THBS4: variants seen among roughly 807,000 people sequenced by gnomAD.
THBS4 encodes the protein thrombospondin-4.
Under a neutral mutation model 115.7 loss-of-function variants are expected in THBS4, and 90 were observed. The ratio of observed to expected loss-of-function variants is 0.78; its 90% CI spans 0.66 to 0.93. The LOEUF is 0.93. Among genes scored for constraint, THBS4 ranks in the 40% least tolerant of loss-of-function variants. THBS4 has a pLI of 0.00. For missense variants in THBS4, 1,087 were observed against 1,232.7 expected, an observed-to-expected ratio of 0.88 and a Z score of 1.77; for synonymous variants, 460 against 479.3, an observed-to-expected ratio of 0.96 and a Z score of 0.53.
intron 2 of THBS4, among the ~76,000 whole-genome samples, chr5:80,041,495 C>A (rs796280018): frequency 1.3e-5 from 2 of 152,156 alleles, no homozygotes; most frequent in Admixed American, 6.5e-5. Flanking sequence ...TAGCTCCTAA[C>A]TCCTTAAGCA....
intron 1 of THBS4, among the ~76,000 whole-genome samples, chr5:80,037,639 C>T (rs1017301822): frequency 3.9e-5 from 6 of 152,096 alleles, no homozygotes; most frequent in Admixed American, 6.6e-5. Context: ...ATTGAAATAC[C>T]GCAAGTTTAG....
intron 2 of THBS4, among the ~76,000 whole-genome samples, chr5:80,008,664 C>A (rs1022685047): frequency 6.6e-6 from 1 of 152,144 alleles, no homozygotes; most frequent in Non-Finnish European, 1.5e-5. Context: ...AACATTGGCA[C>A]TATTGATTTT....
In THBS4 at chr5:80,078,979, GGGCCTCAGTT is replaced by G. The variant is rs775586390; in HGVS notation, c.2314+12_2314+21del. On this transcript the variant is annotated intron_variant, in intron 18 of 21. Transcript: ENST00000350881. ...CCTGGCCTGGCAGTGGGTATGTCCA[GGGCCTCAGTT>G]GCCACTCACATAGAATTCTTCCAGC... is the stretch of plus-strand genomic sequence containing the variant. 6.2e-7 allele frequency: 1 copy of G among 1,614,118 alleles called. No homozygotes were observed. The highest frequency in any genetic ancestry group is 1.1e-5 in the South Asian group (1 of 91,062).
Position 80,056,021 on chromosome 5 carries a change from A to G in THBS4, c.529A>G (p.Arg177Gly), listed in dbSNP as rs1383024755. The change falls in exon 3 of 22, where the codon AGG (arginine) becomes GGG (glycine). Residue 177 changes from arginine to glycine, a missense_variant. Transcript: ENST00000350881. ...GACCATTGAATTGAGGACTTTCCAG[A>G]GGAAGCCACAGGTAGGAACCCACAA... ...PETIELRTFQRKPQDFLEELK... is the reference protein window; with the variant it reads ...PETIELRTFQGKPQDFLEELK... 6.2e-7 allele frequency: 1 copy of G among 1,604,490 alleles called. No individual in the cohort carries two copies. Among genetic ancestry groups the G allele is most frequent in the Non-Finnish European group, 8.5e-7 (1 of 1,174,088 alleles).
At chr5:80,056,071 A>G (rs1274348623) in intron 3 of THBS4, 39 bp downstream of exon 3, 2 of 1,560,304 alleles carry the variant, frequency 1.3e-6, no homozygotes, top group Non-Finnish European at 1.7e-6. Context: ...TGGAAAAATG[A>G]GCTGCCAGTG....
rs866095065 is a variant in THBS4 at position 80,071,086 on chromosome 5, C to T, written c.1626C>T (p.Ala542=). 6.2e-6 allele frequency: 10 copies of T among 1,612,932 alleles called. No homozygotes were observed. The Middle Eastern group carries it at 1.5e-3, about 240-fold the overall frequency. The change falls in exon 13 of 22, where the codon GCC becomes GCT. Residue 542 remains alanine (A), a synonymous_variant. Coordinates refer to ENST00000350881, the MANE Select transcript of THBS4 (RefSeq NM_003248.6). ...GCGATAAAGATATCTTTGGGGATGCCTGTGATAACTGCCTGAGTGTCTTAA... is the reference window on the plus strand; with the variant it reads ...GCGATAAAGATATCTTTGGGGATGCTTGTGATAACTGCCTGAGTGTCTTAA... ...RNSDKDIFGD[A]CDNCLSVLNN...
intron 20 of THBS4, 131 bp from the exon 21 acceptor site, chr5:80,082,275 G>T: frequency 1.5e-6 from 2 of 1,303,042 alleles, no homozygotes; most frequent in Non-Finnish European, 1.1e-6. Flanking sequence ...CCAGGTCAGC[G>T]AAAAATGGAG....
intron 2 of THBS4, among the ~76,000 whole-genome samples, chr5:80,001,382 A>G (rs1050346222): frequency 1.3e-5 from 2 of 152,226 alleles, no homozygotes; most frequent in Admixed American, 6.5e-5. Flanking sequence ...AACCCTTTCA[A>G]TCCAACTAAT....
rs1019380898 is a variant in THBS4, at chr5:80,076,759, A to T, written c.1893-96A>T. 5 of 1,255,642 alleles carry T rather than the reference A, an allele frequency of 4.0e-6. No homozygotes were observed. In the Admixed American group the frequency reaches 8.2e-5, roughly 21 times the overall value. 77.8% of individuals were successfully genotyped at this position (1,255,642 alleles called of 1,614,324 possible). On this transcript the variant is annotated intron_variant, in intron 15 of 21. Transcript: ENST00000350881. Reference sequence around the variant, plus strand: ...TGATTTTAAGAGCCAACCCTGGTTTAAAAAAAACCTCAAGCACAGACTCTC... The same window carrying T: ...TGATTTTAAGAGCCAACCCTGGTTTTAAAAAAACCTCAAGCACAGACTCTC...
chr5:80,057,455 G>A (rs1056487750), intron 3 of THBS4, among the ~76,000 whole-genome samples: 3 of 152,156 alleles, frequency 2.0e-5, no homozygotes, highest in Non-Finnish European at 2.9e-5. Flanking sequence ...CTGACTCTGC[G>A]GAGATTATAG....
rs67048630 is a variant in THBS4 at position 80,080,579 on chromosome 5, CTTTTTT to C, written c.2684+522_2684+527del. On this transcript the variant is annotated intron_variant, in intron 20 of 21. Transcript: ENST00000350881. ...AACTGCATGAGAGCAGCGCTTGTAT[CTTTTTT>C]TTTTTTTTTTTTTTTTTTTGGAGAC... Among the ~76,000 whole-genome samples the C allele has an allele frequency of 2.6e-3, 129 of 50,496 alleles. 1 individual carries two copies. The highest frequency in any genetic ancestry group is 0.023 in the Middle Eastern group (1 of 44). 33.1% of individuals were successfully genotyped at this position (50,496 alleles called of 152,430 possible).
chr5:80,013,520 A>G (rs1178762008), intron 2 of THBS4, among the ~76,000 whole-genome samples: 1 of 152,110 alleles, frequency 6.6e-6, no homozygotes, highest in Non-Finnish European at 1.5e-5. Context: ...TGATATCTCC[A>G]TGAAGGGCCC....
In THBS4 at chr5:80,055,766, G is replaced by A; in HGVS notation, c.293-19G>A. 6.2e-7 allele frequency: 1 copy of A among 1,603,960 alleles called. No individual in the cohort carries two copies. Among genetic ancestry groups the A allele is most frequent in the Non-Finnish European group, 8.5e-7 (1 of 1,173,482 alleles). On this transcript the variant is annotated intron_variant, in intron 2 of 21. Coordinates refer to ENST00000350881, the MANE Select transcript of THBS4 (RefSeq NM_003248.6). Reference sequence around the variant, plus strand: ...TCTGCCACTTATCACACCATTGGTTGACCTGTGCTTGCTTCCAGCCATCCT... The same window carrying A: ...TCTGCCACTTATCACACCATTGGTTAACCTGTGCTTGCTTCCAGCCATCCT...
chr5:80,070,210 C>G (rs1172623623), intron 10 of THBS4, 96 bp from the exon 11 acceptor site: 2 of 1,033,144 alleles, frequency 1.9e-6, no homozygotes, highest in African/African-American at 1.6e-5. Flanking sequence ...GGGCCCTCCC[C>G]CTGGGATTGA....
Position 80,071,088 on chromosome 5 carries a change from G to C in THBS4, c.1628G>C (p.Cys543Ser). The change falls in exon 13 of 22, where the codon TGT becomes TCT. Residue 543 changes from cysteine to serine, a missense_variant. Transcript: ENST00000350881. ...GATAAAGATATCTTTGGGGATGCCT[G>C]TGATAACTGCCTGAGTGTCTTAAAT... ...NSDKDIFGDA[C>S]DNCLSVLNND... 2 of 1,613,136 alleles carry C rather than the reference G, an allele frequency of 1.2e-6. No individual in the cohort carries two copies. Among genetic ancestry groups the C allele is most frequent in the Non-Finnish European group, 1.7e-6 (2 of 1,179,812 alleles).
At chr5:80,034,853 C>A (rs1392394262), upstream of THBS4, among the ~76,000 whole-genome samples, 1 of 152,204 alleles carries the variant, frequency 6.6e-6, no homozygotes, top group Non-Finnish European at 1.5e-5. Flanking sequence ...ACTCGCTGCT[C>A]TCTGGGCCAC....
At chr5:80,002,923 G>GAA (rs1194317492) in intron 2 of THBS4, among the ~76,000 whole-genome samples, 5 of 119,242 alleles carry the variant, frequency 4.2e-5, no homozygotes, top group Non-Finnish European at 3.7e-5. Flanking sequence ...AAGATCATTT[G>GAA]AAAAAAAAAA....
chr5:79,993,249 TAC>T (rs1831723740), intron 1 of THBS4, among the ~76,000 whole-genome samples: 1 of 152,238 alleles, frequency 6.6e-6, no homozygotes, highest in African/African-American at 2.4e-5. Flanking sequence ...AAAGAATCCT[TAC>T]ACACAGGTTT....
chr5:80,040,759 T>C (rs910948325), intron 2 of THBS4, among the ~76,000 whole-genome samples: 2 of 152,206 alleles, frequency 1.3e-5, no homozygotes, highest in African/African-American at 4.8e-5. Flanking sequence ...GGGTAATTTA[T>C]AAAGAAAAGA....
Sources: gnomAD v4.1 joint callset for allele counts (sites outside exome capture counted in the v4.1 genomes callset) on GRCh38, gnomAD v4.1.1 for gene constraint, MANE v1.5 for transcripts, NCBI Gene and HGNC (gene_info 2026-07-23, HGNC 2026-07-21) for gene names.